The following COX7A1 variants were observed in gnomAD, a reference collection of about 807,000 sequenced individuals.
COX7A1 encodes cytochrome c oxidase subunit 7A1.
COX7A1 carries 21 observed loss-of-function variants against 13.2 expected under a neutral mutation model. The ratio of observed to expected loss-of-function variants is 1.59; its 90% CI spans 1.13 to 2.29. COX7A1 has a LOEUF of 2.29. Ranked by LOEUF, COX7A1 falls within the 30% of genes most tolerant of loss-of-function variation. COX7A1 has a pLI of 0.00. For missense variants in COX7A1, 107 were observed against 100.0 expected (o/e 1.07, Z -0.30); for synonymous variants, 41 against 41.9 (o/e 0.98, Z 0.08).
chr19:36,151,183 G>T, intron 3 of COX7A1, 149 bp from the exon 4 acceptor site: 1 of 878,748 alleles, frequency 1.1e-6, no homozygotes, highest in Non-Finnish European at 1.7e-6. Flanking sequence ...GACTCCTATT[G>T]TAAAGCCCCC....
In COX7A1 at chr19:36,151,652, C is replaced by CGGG; in HGVS notation, c.102+16_102+17insCCC. The CGGG allele has an allele frequency of 1.4e-6, 2 of 1,410,456 alleles. No individual in the cohort carries two copies. Among genetic ancestry groups the CGGG allele is most frequent in the Non-Finnish European group, 1.9e-6 (2 of 1,028,432 alleles). 87.4% of individuals were successfully genotyped at this position (1,410,456 alleles called of 1,614,324 possible). A position where few individuals can be genotyped will look rare whatever the true frequency, so the allele number is the denominator to read the frequency against. On this transcript the variant is annotated intron_variant, in intron 2 of 3. Coordinates refer to ENST00000292907, the MANE Select transcript of COX7A1 (RefSeq NM_001864.4). ...CCCGGCTGGCGCGTCGGATCCCCAC[C>CGGG]CCCCCCGACCCCCCACCTGGAAGAG...
intron 3 of COX7A1, 27 bp from the exon 4 acceptor site, chr19:36,151,061 A>G (rs778864977): frequency 4.4e-5 from 70 of 1,609,056 alleles, no homozygotes; most frequent in Non-Finnish European, 3.4e-6. Flanking sequence ...TTGGAGACAG[A>G]ATGAGACCTA....
chr19:36,151,961 A>G, intron 1 of COX7A1: 1 of 699,114 alleles, frequency 1.4e-6, no homozygotes, highest in South Asian at 1.6e-5. Flanking sequence ...CCTGGGGGTG[A>G]CCGGGCTGCC....
rs1555731434 is a variant in COX7A1 at position 36,151,666 on chromosome 19, C to CA, written c.102+2dup. 7.1e-4 allele frequency: 1,132 copies of CA among 1,584,912 alleles called. 10 individuals carry two copies. The African/African-American group carries it at 0.013, about 18-fold the overall frequency. Reference sequence around the variant, plus strand: ...CGGATCCCCACCCCCCCCGACCCCCCACCTGGAAGAGCTTCTGTTTCTCGC... The same window carrying CA: ...CGGATCCCCACCCCCCCCGACCCCCCAACCTGGAAGAGCTTCTGTTTCTCGC... On this transcript the variant is annotated splice_region_variant and intron_variant, in intron 2 of 3. Transcript: ENST00000292907.
chr19:36,151,952 C>A (rs1186053296), intron 1 of COX7A1, 197 bp from the exon 2 acceptor site: 2 of 708,828 alleles, frequency 2.8e-6, no homozygotes, highest in Admixed American at 4.2e-5. Flanking sequence ...GGAGTCTGGC[C>A]TGGGGGTGAC....
At chr19:36,151,796 G>C in intron 1 of COX7A1, 41 bp from the exon 2 acceptor site, 1 of 1,531,684 alleles carries the variant, frequency 6.5e-7, no homozygotes, top group African/African-American at 1.4e-5. Context: ...GGCACCTGGA[G>C]GGGTGTCCTG....
intron 2 of COX7A1, 24 bp downstream of exon 2, chr19:36,151,645 T>TGGCCCCCCCCCCCCCCCC: frequency 7.2e-7 from 1 of 1,387,630 alleles, no homozygotes; most frequent in Non-Finnish European, 9.9e-7. Context: ...GCGCGTCGGA[T>TGGCCCCCCCCCCCCCCCC]CCCCACCCCC....
chr19:36,151,643 G>C, intron 2 of COX7A1, 26 bp downstream of exon 2: 1 of 1,560,070 alleles, frequency 6.4e-7, no homozygotes, highest in South Asian at 1.1e-5. Context: ...TGGCGCGTCG[G>C]ATCCCCACCC....
At chr19:36,152,335 C>G (rs1373916075) in intron 1 of COX7A1, 58 bp downstream of exon 1, 10 of 1,249,164 alleles carry the variant, frequency 8.0e-6, no homozygotes, top group Non-Finnish European at 9.2e-6. Context: ...TGGAGAGTCG[C>G]GTATTAGGGC....
chr19:36,151,645 T>TGCCCCCCCCCCCCCCCCCCCCC, intron 2 of COX7A1, 24 bp downstream of exon 2: 2 of 1,387,624 alleles, frequency 1.4e-6, no homozygotes, highest in Non-Finnish European at 2.0e-6. Flanking sequence ...GCGCGTCGGA[T>TGCCCCCCCCCCCCCCCCCCCCC]CCCCACCCCC....
intron 1 of COX7A1, 103 bp from the exon 2 acceptor site, chr19:36,151,858 G>C: frequency 9.6e-7 from 1 of 1,041,778 alleles, no homozygotes; most frequent in African/African-American, 1.6e-5. Context: ...CCCATCCCTA[G>C]CGAGCGTCCC....
Position 36,151,166 on chromosome 19 carries a change from C to G in COX7A1, c.188-132G>C. ...CTAGTTCGGACTCCAGCTCCCTTCC[C>G]AGATTGGACTCCTATTGTAAAGCCC... is the stretch of plus-strand genomic sequence containing the variant. On this transcript the variant is annotated intron_variant, in intron 3 of 3. Coordinates refer to ENST00000292907, the MANE Select transcript of COX7A1 (RefSeq NM_001864.4). 4.2e-6 allele frequency: 4 copies of G among 949,516 alleles called. No individual in the cohort carries two copies. In the South Asian group the frequency reaches 4.9e-5, roughly 12 times the overall value. 58.8% of individuals were successfully genotyped at this position (949,516 alleles called of 1,614,324 possible). A position where few individuals can be genotyped will look rare whatever the true frequency, so the allele number is the denominator to read the frequency against.
At position 36,151,526 on chromosome 19, in the gene COX7A1, C is replaced by A. The variant is rs1420139158; in HGVS notation, c.123G>T (p.Leu41Phe). Residue 41 changes from leucine (L) to phenylalanine (F), a missense_variant, in exon 3 of 4, where the codon TTG (leucine) becomes TTT (phenylalanine). Leu to Phe is a conservative substitution (Grantham distance 22). Coordinates refer to ENST00000292907, the MANE Select transcript of COX7A1 (RefSeq NM_001864.4). ...KLFQEDNDIP[L>F]YLKGGIVDNI... Reference sequence around the variant, plus strand: ...TGTCAACGATGCCGCCCTTCAGGTACAACGGGATGTCATTGTCCTCCTGGA... The same window carrying A: ...TGTCAACGATGCCGCCCTTCAGGTAAAACGGGATGTCATTGTCCTCCTGGA... 2 of 1,614,214 alleles carry A rather than the reference C, an allele frequency of 1.2e-6. No individual in the cohort carries two copies. The highest frequency in any genetic ancestry group is 1.7e-6 in the Non-Finnish European group (2 of 1,180,022).
intron 2 of COX7A1, 33 bp from the exon 3 acceptor site, chr19:36,151,579 G>GCTGGCTGCTC: frequency 1.2e-6 from 2 of 1,613,146 alleles, no homozygotes; most frequent in Non-Finnish European, 1.7e-6. Context: ...AGAAAGGGGT[G>GCTGGCTGCTC]CTGGCTGCTC....
At chr19:36,151,607 C>T (rs1974770237) in intron 2 of COX7A1, 61 bp from the exon 3 acceptor site, 1 of 1,611,554 alleles carries the variant, frequency 6.2e-7, no homozygotes, top group East Asian at 2.2e-5. Flanking sequence ...CGCGCCCCGC[C>T]TGCCCCGGCT....
At chr19:36,151,341 A>AC in intron 3 of COX7A1, 121 bp downstream of exon 3, 1 of 1,013,182 alleles carries the variant, frequency 9.9e-7, no homozygotes. Context: ...TCAGTACTCG[A>AC]CCCCCTTCCT....
chr19:36,151,962 C>T lies in COX7A1; in HGVS notation c.16-207G>A, dbSNP rs532056372. The stretch of plus-strand genomic sequence containing the variant: ...GCCCTGGAGTCTGGCCTGGGGGTGA[C>T]CGGGCTGCCTAGAGGGTCCTGGAAG... On this transcript the variant is annotated intron_variant, in intron 1 of 3. Transcript: ENST00000292907. The T allele has an allele frequency of 8.8e-4, 613 of 698,556 alleles. 3 individuals carry two copies. Among genetic ancestry groups the T allele is most frequent in the Non-Finnish European group, 1.2e-3 (452 of 377,148 alleles). 43.3% of individuals were successfully genotyped at this position (698,556 alleles called of 1,614,324 possible).
chr19:36,152,358 G>T, intron 1 of COX7A1, 35 bp downstream of exon 1: 1 of 1,322,826 alleles, frequency 7.6e-7, no homozygotes, highest in Non-Finnish European at 9.7e-7. Context: ...GGTTTTCTGG[G>T]TGGGGGGCTC....
rs764734167 is a variant in COX7A1 at position 36,151,494 on chromosome 19, AG to A, written c.154del (p.Leu52CysfsTer4). The A allele has an allele frequency of 4.1e-5, 66 of 1,614,088 alleles. No individual in the cohort carries two copies. The highest frequency in any genetic ancestry group is 5.4e-5 in the Non-Finnish European group (64 of 1,180,032). On this transcript the variant is annotated frameshift_variant, in exon 3 of 4. Transcript: ENST00000292907. LOFTEE classifies it high-confidence loss of function. ...ACACAGCGTCATTGTCACTCGGTAC[AG>A]GATGTTGTCAACGATGCCGCCCTTC... ...YLKGGIVDNI[L>X]YRVTMTLCLG...
Sources: allele counts gnomAD v4.1 joint callset, GRCh38; gene constraint gnomAD v4.1.1; transcripts MANE v1.5; gene names NCBI Gene and HGNC (gene_info 2026-07-23, HGNC 2026-07-21).